INTS4: variants seen among roughly 807,000 people sequenced by gnomAD.
INTS4 encodes the protein MSTP093.
Under a neutral mutation model 119.5 loss-of-function variants are expected in INTS4, and 70 were observed. The ratio of observed to expected loss-of-function variants is 0.59; its 90% CI spans 0.48 to 0.71. INTS4 has a LOEUF of 0.71. Among genes scored for constraint, INTS4 ranks in the 30% least tolerant of loss-of-function variants. The pLI, the probability that INTS4 is intolerant of heterozygous loss-of-function variation, is 0.00. For synonymous variants in INTS4, 316 were observed against 419.6 expected, an observed-to-expected ratio of 0.75 and a Z score of 3.02; for missense variants, 867 against 1,173.2, an observed-to-expected ratio of 0.74 and a Z score of 3.81.
At chr11:77,935,895 CAAA>C (rs1261830084) in intron 10 of INTS4, among the ~76,000 whole-genome samples, 1 of 15,178 alleles carries the variant, frequency 6.6e-5, no homozygotes, top group African/African-American at 7.1e-4. Flanking sequence ...GATCCTGTCT[CAAA>C]AAAAAAAAAA....
At chr11:77,963,352 C>CAAAGAAAAAA in intron 4 of INTS4, 1 of 170,240 alleles carries the variant, frequency 5.9e-6, no homozygotes, top group South Asian at 3.9e-5. Flanking sequence ...GACTCCGTCT[C>CAAAGAAAAAA]AAAAAAAAAA....
chr11:77,923,962 A>C (rs1304319846), intron 12 of INTS4, among the ~76,000 whole-genome samples: 2 of 150,388 alleles, frequency 1.3e-5, no homozygotes, highest in Non-Finnish European at 3.0e-5. Context: ...ATGAGGTTTC[A>C]CCATGTTGGC....
chr11:77,992,498 C>T (rs180920532), intron 1 of INTS4, among the ~76,000 whole-genome samples: 8 of 152,160 alleles, frequency 5.3e-5, no homozygotes, highest in Middle Eastern at 3.4e-3. Flanking sequence ...CCCAGGAGTT[C>T]GAGACCAGCC....
intron 22 of INTS4, among the ~76,000 whole-genome samples, chr11:77,879,674 A>C (rs1266189958): frequency 2.6e-5 from 4 of 152,220 alleles, no homozygotes; most frequent in African/African-American, 9.7e-5. Context: ...TCATTACATT[A>C]TCTTACGATA....
chr11:77,908,431 C>T (rs965603056), intron 15 of INTS4, among the ~76,000 whole-genome samples: 21 of 151,452 alleles, frequency 1.4e-4, no homozygotes, highest in South Asian at 4.2e-4. Context: ...TGGGTTCAAG[C>T]GATTCTCCTG....
intron 1 of INTS4, among the ~76,000 whole-genome samples, chr11:77,994,144 C>T (rs1856805584): frequency 6.6e-6 from 1 of 152,052 alleles, no homozygotes; most frequent in African/African-American, 2.4e-5. Flanking sequence ...CCCTTAGAAC[C>T]TTGTGTATAT....
chr11:77,957,663 CTTTTTTTT>C (rs1159914263), intron 7 of INTS4, among the ~76,000 whole-genome samples: 2 of 110,706 alleles, frequency 1.8e-5, no homozygotes, highest in Non-Finnish European at 3.6e-5. Flanking sequence ...AACTGAACTT[CTTTTTTTT>C]TTTTTTTTTT....
Position 77,960,975 on chromosome 11 carries a change from C to CAG in INTS4, c.634_635insCT (p.Arg212ThrfsTer6). ...TACCATGGCTTTTATAGCTGCTGTT[C>CAG]TGACACGTGGGTCTTGGTCACTGAA... On this transcript the variant is annotated frameshift_variant, in exon 5 of 23. Coordinates refer to ENST00000534064, the MANE Select transcript of INTS4 (RefSeq NM_033547.4). LOFTEE classifies it high-confidence loss of function. The CAG allele has an allele frequency of 4.3e-6, 7 of 1,609,998 alleles. No homozygotes were observed. Among genetic ancestry groups the CAG allele is most frequent in the Non-Finnish European group, 5.1e-6 (6 of 1,178,320 alleles).
chr11:77,928,246 G>C (rs1953557471), intron 11 of INTS4, 96 bp downstream of exon 11: 1 of 1,284,704 alleles, frequency 7.8e-7, no homozygotes, highest in Admixed American at 1.9e-5. Context: ...TGTGCTCCCT[G>C]ATATAGTGTT....
intron 4 of INTS4, among the ~76,000 whole-genome samples, chr11:77,964,872 A>C (rs1365727518): frequency 6.6e-6 from 1 of 152,144 alleles, no homozygotes; most frequent in Non-Finnish European, 1.5e-5. Context: ...ATATTTACAT[A>C]ATCTCAAAGT....
intron 4 of INTS4, among the ~76,000 whole-genome samples, chr11:77,965,646 G>A (rs1255765005): frequency 1.3e-5 from 2 of 152,156 alleles, no homozygotes; most frequent in Admixed American, 1.3e-4. Context: ...ATGTTGTCAT[G>A]AATGACAGGA....
At chr11:77,911,532 G>A (rs546936532) in intron 15 of INTS4, among the ~76,000 whole-genome samples, 2 of 152,122 alleles carry the variant, frequency 1.3e-5, no homozygotes, top group East Asian at 1.9e-4. Context: ...CCCCTGCCCC[G>A]GAATTGTAGC....
intron 10 of INTS4, among the ~76,000 whole-genome samples, chr11:77,932,749 T>C (rs572807560): frequency 1.3e-5 from 2 of 152,192 alleles, no homozygotes; most frequent in South Asian, 2.1e-4. Context: ...ATGTGGCACA[T>C]ATACACCATG....
intron 19 of INTS4, among the ~76,000 whole-genome samples, chr11:77,892,056 G>A (rs1357059334): frequency 1.3e-5 from 2 of 152,118 alleles, no homozygotes; most frequent in African/African-American, 2.4e-5. Flanking sequence ...TATGTGCCAG[G>A]CATACTCTTA....
intron 12 of INTS4, 151 bp from the exon 13 acceptor site, chr11:77,922,622 A>C: frequency 1.1e-6 from 1 of 922,974 alleles, no homozygotes. Context: ...TAAGTCACCC[A>C]GTTATTCTGG....
At chr11:77,943,045 T>C (rs1953965507) in intron 8 of INTS4, among the ~76,000 whole-genome samples, 1 of 152,184 alleles carries the variant, frequency 6.6e-6, no homozygotes, top group South Asian at 2.1e-4. Flanking sequence ...CTATAAACGC[T>C]TAAGACCTCC....
At chr11:77,941,501 T>C (rs544071441) in intron 8 of INTS4, among the ~76,000 whole-genome samples, 36 of 151,336 alleles carry the variant, frequency 2.4e-4, no homozygotes, top group African/African-American at 8.5e-4. Context: ...TTTGCTCTTG[T>C]CACCCAGGCT....
At chr11:77,989,156 G>T (rs1438854345) in intron 2 of INTS4, among the ~76,000 whole-genome samples, 2 of 152,164 alleles carry the variant, frequency 1.3e-5, no homozygotes, top group East Asian at 3.9e-4. Context: ...GATATGTAAT[G>T]AAATAATTAG....
At chr11:77,906,827 T>C (rs1018842427) in intron 16 of INTS4, among the ~76,000 whole-genome samples, 1 of 152,200 alleles carries the variant, frequency 6.6e-6, no homozygotes, top group African/African-American at 2.4e-5. Flanking sequence ...CACTTTGAAC[T>C]AGGGCCAAGA....
Sources: allele counts gnomAD v4.1 joint callset (sites outside exome capture counted in the v4.1 genomes callset), GRCh38; gene constraint gnomAD v4.1.1; transcripts MANE v1.5; gene names NCBI Gene and HGNC (gene_info 2026-07-23, HGNC 2026-07-21).